The following FAM78B variants were observed in gnomAD, a reference collection of about 807,000 sequenced individuals.
FAM78B encodes the protein family with sequence similarity 78 member B.
Under a neutral mutation model 20.0 loss-of-function variants are expected in FAM78B, and 10 were observed. That is an observed-to-expected ratio of 0.50 (90% CI 0.31 to 0.85). FAM78B has a LOEUF of 0.85. FAM78B is among the 40% of genes least tolerant of loss of function. FAM78B has a pLI of 0.05. For missense variants in FAM78B, 283 were observed against 345.0 expected (o/e 0.82, Z 1.42); for synonymous variants, 135 against 132.8 (o/e 1.02, Z -0.12).
intron 1 of FAM78B, among the ~76,000 whole-genome samples, chr1:166,120,176 A>C (rs1654414604): frequency 6.6e-6 from 1 of 152,240 alleles, no homozygotes; most frequent in South Asian, 2.1e-4. Context: ...TGGGGGCTTT[A>C]CATATGCCAT....
chr1:166,136,241 A>G (rs1655059046), intron 1 of FAM78B, among the ~76,000 whole-genome samples: 1 of 152,220 alleles, frequency 6.6e-6, no homozygotes, highest in African/African-American at 2.4e-5. Context: ...CAGAGATTTA[A>G]TAAGAGTTCA....
chr1:166,108,599 A>G (rs1653877779), intron 1 of FAM78B, among the ~76,000 whole-genome samples: 1 of 152,192 alleles, frequency 6.6e-6, no homozygotes. Context: ...AGCAATCTAC[A>G]AATTCAATGC....
intron 1 of FAM78B, among the ~76,000 whole-genome samples, chr1:166,117,792 G>A (rs765853611): frequency 3.3e-5 from 5 of 152,206 alleles, no homozygotes; most frequent in Admixed American, 2.0e-4. Flanking sequence ...GACACAGCAG[G>A]GCTTCTGGGT....
At chr1:166,056,416 C>T (rs74571916), downstream of FAM78B, among the ~76,000 whole-genome samples, 61 of 152,182 alleles carry the variant, frequency 4.0e-4, no homozygotes, top group Admixed American at 1.4e-3. Context: ...GTGGTGGGGA[C>T]GGGCAGGAGG....
intron 1 of FAM78B, among the ~76,000 whole-genome samples, chr1:166,131,409 C>T (rs539109511): frequency 9.8e-5 from 15 of 152,306 alleles, no homozygotes; most frequent in Non-Finnish European, 2.2e-4. Context: ...CCAGGCAAAA[C>T]TGCTCCAGAG....
chr1:166,128,852 A>G (rs1394413701), intron 1 of FAM78B, among the ~76,000 whole-genome samples: 1 of 152,188 alleles, frequency 6.6e-6, no homozygotes, highest in Non-Finnish European at 1.5e-5. Context: ...TAGAAGATAG[A>G]TGAGTGTCCT....
intron 1 of FAM78B, among the ~76,000 whole-genome samples, chr1:166,113,323 G>A (rs1654130281): frequency 6.6e-6 from 1 of 152,224 alleles, no homozygotes; most frequent in Non-Finnish European, 1.5e-5. Flanking sequence ...TCCCAACTCT[G>A]TTCCTTGCAG....
intron 1 of FAM78B, among the ~76,000 whole-genome samples, chr1:166,099,532 C>T (rs535251629): frequency 1.3e-5 from 2 of 152,246 alleles, no homozygotes; most frequent in South Asian, 4.1e-4. Context: ...GGAGACTCAC[C>T]TAGCACATAA....
At chr1:166,099,437 C>T (rs1035904628) in intron 1 of FAM78B, among the ~76,000 whole-genome samples, 2 of 152,118 alleles carry the variant, frequency 1.3e-5, no homozygotes, top group Non-Finnish European at 2.9e-5. Flanking sequence ...TAACATTGAA[C>T]GTAAATGGTC....
intron 1 of FAM78B, among the ~76,000 whole-genome samples, chr1:166,164,434 G>C (rs1241645076): frequency 6.6e-6 from 1 of 152,236 alleles, no homozygotes; most frequent in East Asian, 1.9e-4. Flanking sequence ...GGGTATGTCA[G>C]TTTTTAAATG....
At chr1:166,109,816 A>ATGTGTGTG (rs1307104061) in intron 1 of FAM78B, among the ~76,000 whole-genome samples, 7 of 27,534 alleles carry the variant, frequency 2.5e-4, no homozygotes, top group African/African-American at 6.2e-4. Flanking sequence ...GTATATATGT[A>ATGTGTGTG]TATATATATA....
intron 1 of FAM78B, among the ~76,000 whole-genome samples, chr1:166,104,197 C>T (rs1435692803): frequency 2.6e-5 from 4 of 152,222 alleles, no homozygotes; most frequent in Non-Finnish European, 5.9e-5. Flanking sequence ...ATTGATGGGA[C>T]GTATCTCAAA....
chr1:166,086,079 T>TG (rs1360861473), intron 1 of FAM78B, among the ~76,000 whole-genome samples: 2 of 151,792 alleles, frequency 1.3e-5, no homozygotes, highest in Admixed American at 1.3e-4. Context: ...TACTCTTTTT[T>TG]TTTTTTTTTT....
chr1:166,120,111 A>T (rs568681009), intron 1 of FAM78B, among the ~76,000 whole-genome samples: 1 of 152,292 alleles, frequency 6.6e-6, no homozygotes, highest in Non-Finnish European at 1.5e-5. Context: ...ATCAAAGATA[A>T]ATAAAGTCCT....
intron 1 of FAM78B, among the ~76,000 whole-genome samples, chr1:166,158,197 T>C (rs555494620): frequency 6.6e-6 from 1 of 152,254 alleles, no homozygotes; most frequent in East Asian, 1.9e-4. Flanking sequence ...TGGTGGTACA[T>C]GACTGTGGTC....
chr1:166,129,794 C>A (rs978815808), intron 1 of FAM78B, among the ~76,000 whole-genome samples: 1 of 151,836 alleles, frequency 6.6e-6, no homozygotes. Flanking sequence ...TATTCAGGTC[C>A]CCAAGCCACC....
At chr1:166,106,057 G>A (rs1477202413) in intron 1 of FAM78B, among the ~76,000 whole-genome samples, 1 of 151,740 alleles carries the variant, frequency 6.6e-6, no homozygotes, top group Non-Finnish European at 1.5e-5. Flanking sequence ...TCCTTTGTAG[G>A]GACATGGGTG....
chr1:166,132,527 G>C (rs971364539), intron 1 of FAM78B, among the ~76,000 whole-genome samples: 1 of 152,210 alleles, frequency 6.6e-6, no homozygotes, highest in Non-Finnish European at 1.5e-5. Flanking sequence ...AGTGGCTTGT[G>C]AATGTCAACC....
At position 166,133,513 on chromosome 1, in the gene FAM78B, T is replaced by A. The variant is rs370193838; in HGVS notation, c.263+32473A>T. Reference sequence around the variant, plus strand: ...CTTCATGTGGGGATCTTTCTGCAAATCCCACAAATGTGTAACTGTTAATTT... The same window carrying A: ...CTTCATGTGGGGATCTTTCTGCAAAACCCACAAATGTGTAACTGTTAATTT... On this transcript the variant is annotated intron_variant, in intron 1 of 1. Coordinates refer to ENST00000354422, the MANE Select transcript of FAM78B (RefSeq NM_001017961.5). 4.7e-5 allele frequency among the ~76,000 whole-genome samples: 7 copies of A among 148,008 alleles called. 1 individual carries two copies. In the East Asian group the frequency reaches 6.2e-4, roughly 13 times the overall value.
Sources: gnomAD v4.1 joint callset for allele counts (sites outside exome capture counted in the v4.1 genomes callset) on GRCh38, gnomAD v4.1.1 for gene constraint, MANE v1.5 for transcripts, NCBI Gene and HGNC (gene_info 2026-07-23, HGNC 2026-07-21) for gene names.